ARFGEF3: variants seen among roughly 807,000 people sequenced by gnomAD.
ARFGEF3 encodes the protein ARFGEF family member 3.
A neutral mutation model predicts 221.7 loss-of-function variants in ARFGEF3; 96 were observed. The ratio of observed to expected loss-of-function variants is 0.43; its 90% CI spans 0.37 to 0.51. The LOEUF (loss-of-function observed/expected upper bound fraction) is 0.51, where lower values mean the gene tolerates loss of function less well. Among genes scored for constraint, ARFGEF3 ranks in the 20% least tolerant of loss-of-function variants. The pLI is 0.00. For missense variants in ARFGEF3, 2,410 were observed against 2,789.9 expected, an observed-to-expected ratio of 0.86 and a Z score of 3.07; for synonymous variants, 1,145 against 1,126.8, an observed-to-expected ratio of 1.02 and a Z score of -0.32.
intron 26 of ARFGEF3, 38 bp downstream of exon 26, chr6:138,313,977 G>A: frequency 6.2e-7 from 1 of 1,603,094 alleles, no homozygotes; most frequent in Non-Finnish European, 8.5e-7. Flanking sequence ...GTTATTTGCT[G>A]TGTTCATATT....
In ARFGEF3 at chr6:138,255,682, G is replaced by T. The variant is rs1778663359; in HGVS notation, c.1017G>T (p.Met339Ile). The T allele has an allele frequency of 6.2e-7, 1 of 1,613,388 alleles. No individual in the cohort carries two copies. The highest frequency in any genetic ancestry group is 1.3e-5 in the African/African-American group (1 of 75,010). The change falls in exon 10 of 34, where the codon ATG becomes ATT. Residue 339 changes from methionine (M) to isoleucine (I), a missense_variant. By Grantham distance (10) the Met-to-Ile change is conservative (BLOSUM62 1). This residue lies in a region of ARFGEF3 where 570 missense variants were observed against 586.9 expected (regional missense o/e 0.97). Coordinates refer to ENST00000251691, the MANE Select transcript of ARFGEF3 (RefSeq NM_020340.5). Reference sequence around the variant, plus strand: ...GGCTGGTGGGGTCTGTGGACTCCATGAAGCCCGTGCTCCAGTCCCTCTACC... The same window carrying T: ...GGCTGGTGGGGTCTGTGGACTCCATTAAGCCCGTGCTCCAGTCCCTCTACC... ...LVRLVGSVDS[M>I]KPVLQSLYHR...
At chr6:138,183,216 G>C (rs761686633) in intron 2 of ARFGEF3, among the ~76,000 whole-genome samples, 4 of 152,022 alleles carry the variant, frequency 2.6e-5, no homozygotes, top group Non-Finnish European at 4.4e-5. Context: ...CAGGTGGGAG[G>C]GCTGCTGGAT....
At chr6:138,325,903 G>A (rs148729710) in intron 31 of ARFGEF3, among the ~76,000 whole-genome samples, 72 of 152,238 alleles carry the variant, frequency 4.7e-4, no homozygotes, top group African/African-American at 1.6e-3. Flanking sequence ...CAATCACCCA[G>A]GCTGGAGTGC....
At chr6:138,236,793 A>G (rs572513973) in intron 5 of ARFGEF3, among the ~76,000 whole-genome samples, 2 of 152,342 alleles carry the variant, frequency 1.3e-5, no homozygotes, top group African/African-American at 4.8e-5. Context: ...TTTTCTAAGC[A>G]TGCATAAATT....
At chr6:138,234,121 A>C (rs933930607) in intron 5 of ARFGEF3, among the ~76,000 whole-genome samples, 1 of 152,170 alleles carries the variant, frequency 6.6e-6, no homozygotes, top group Non-Finnish European at 1.5e-5. Context: ...TCTTACTTGC[A>C]TGGCTTGTGA....
chr6:138,323,064 T>C (rs2114682817), intron 29 of ARFGEF3, among the ~76,000 whole-genome samples: 1 of 151,486 alleles, frequency 6.6e-6, no homozygotes, highest in Admixed American at 6.6e-5. Flanking sequence ...TGTAGAGGAG[T>C]GATGGAAAAT....
At chr6:138,214,963 A>G (rs1461600388) in intron 4 of ARFGEF3, among the ~76,000 whole-genome samples, 1 of 152,246 alleles carries the variant, frequency 6.6e-6, no homozygotes, top group African/African-American at 2.4e-5. Context: ...GCAAACAATA[A>G]ATGGTCAGAA....
Position 138,336,263 on chromosome 6 carries a change from A to G in ARFGEF3, c.6343-32A>G, listed in dbSNP as rs73776905. ...GTGTTCAAATAAAACCAGGGGGGAAAGCCACTGATTTTCTTAAATCTTTTC... is the reference window on the plus strand; with the variant it reads ...GTGTTCAAATAAAACCAGGGGGGAAGGCCACTGATTTTCTTAAATCTTTTC... On this transcript the variant is annotated intron_variant, in intron 33 of 33. Coordinates refer to ENST00000251691, the MANE Select transcript of ARFGEF3 (RefSeq NM_020340.5). 7,116 of 1,458,170 alleles carry G rather than the reference A, an allele frequency of 4.9e-3. 271 individuals are homozygous for G. In the African/African-American group the frequency reaches 0.083, roughly 17 times the overall value. 90.3% of individuals were successfully genotyped at this position (1,458,170 alleles called of 1,614,324 possible). A position where few individuals can be genotyped will look rare whatever the true frequency, so the allele number is the denominator to read the frequency against.
chr6:138,210,431 A>G (rs1777703488), intron 4 of ARFGEF3, among the ~76,000 whole-genome samples: 1 of 152,162 alleles, frequency 6.6e-6, no homozygotes, highest in Admixed American at 6.6e-5. Flanking sequence ...CAGAATGGTC[A>G]GTTTAGGGAC....
Position 138,334,139 on chromosome 6 carries a change from C to T in ARFGEF3, c.5293C>T (p.Gln1765Ter). The T allele has an allele frequency of 6.2e-7, 1 of 1,613,942 alleles. No individual in the cohort carries two copies. Among genetic ancestry groups the T allele is most frequent in the Non-Finnish European group, 8.5e-7 (1 of 1,179,876 alleles). The change falls in exon 33 of 34, where the codon CAG (glutamine) becomes TAG (stop). Residue 1765 changes from glutamine to a stop codon, truncating the protein, a stop_gained. Transcript: ENST00000251691. LOFTEE classifies it high-confidence loss of function. The surrounding 1 kb of genome is among the most constrained non-coding windows in gnomAD (Gnocchi z 5.1). ...LAGFLRYISM[Q>*]NLAVIFDLLL... Reference sequence around the variant, plus strand: ...TGGCTTCCTCAGATACATCTCTATGCAGAACTTGGCAGTCATATTCGACCT... The same window carrying T: ...TGGCTTCCTCAGATACATCTCTATGTAGAACTTGGCAGTCATATTCGACCT...
Position 138,192,669 on chromosome 6 carries a change from C to A in ARFGEF3, c.138-14373C>A, listed in dbSNP as rs78500832. 2.4e-3 allele frequency among the ~76,000 whole-genome samples: 372 copies of A among 152,286 alleles called. 1 individual carries two copies. Among genetic ancestry groups the A allele is most frequent in the African/African-American group, 8.7e-3 (362 of 41,544 alleles). Reference sequence around the variant, plus strand: ...GCTGAGGTGTCCATGTTGCTGAGACCCCTTGCAGGACAAGACAGAGCTGGG... The same window carrying A: ...GCTGAGGTGTCCATGTTGCTGAGACACCTTGCAGGACAAGACAGAGCTGGG... On this transcript the variant is annotated intron_variant, in intron 2 of 33. Transcript: ENST00000251691.
chr6:138,279,536 G>T (rs1234483736), intron 13 of ARFGEF3, among the ~76,000 whole-genome samples: 1 of 152,214 alleles, frequency 6.6e-6, no homozygotes, highest in East Asian at 1.9e-4. Context: ...GGATCTACAT[G>T]AAGGAAATCA....
At position 138,201,864 on chromosome 6, in the gene ARFGEF3, G is replaced by A. The variant is rs144873095; in HGVS notation, c.138-5178G>A. 9.9e-5 allele frequency among the ~76,000 whole-genome samples: 15 copies of A among 152,248 alleles called. No homozygotes were observed. In the East Asian group the frequency reaches 1.2e-3, roughly 12 times the overall value. ...GTTCACATTGGTGCTTGTATTGAAA[G>A]ATAATTATTGGTAAATCCTAACTCT... On this transcript the variant is annotated intron_variant, in intron 2 of 33. Coordinates refer to ENST00000251691, the MANE Select transcript of ARFGEF3 (RefSeq NM_020340.5).
chr6:138,222,487 G>A (rs1372606271), intron 4 of ARFGEF3, among the ~76,000 whole-genome samples: 1 of 152,088 alleles, frequency 6.6e-6, no homozygotes, highest in Non-Finnish European at 1.5e-5. Flanking sequence ...AGCAATTCCT[G>A]GAGGCATCTT....
chr6:138,248,160 A>AG (rs1413132241), intron 8 of ARFGEF3, among the ~76,000 whole-genome samples: 1 of 152,178 alleles, frequency 6.6e-6, no homozygotes, highest in Non-Finnish European at 1.5e-5. Flanking sequence ...GTCATAGGGG[A>AG]GAGGGACATT....
chr6:138,233,362 A>G (rs952481118), intron 5 of ARFGEF3, among the ~76,000 whole-genome samples: 1 of 150,884 alleles, frequency 6.6e-6, no homozygotes, highest in African/African-American at 2.4e-5. Context: ...TAGCTCTTGA[A>G]ATGTTCAGTG....
rs750737108 is a variant in ARFGEF3, at chr6:138,334,681, C to G, written c.5835C>G (p.Ser1945=). The G allele has an allele frequency of 1.2e-6, 2 of 1,612,016 alleles. No individual in the cohort carries two copies. Among genetic ancestry groups the G allele is most frequent in the African/African-American group, 1.3e-5 (1 of 74,862 alleles). The change falls in exon 33 of 34, where the codon TCC becomes TCG. Residue 1945 remains serine (S), a synonymous_variant. Coordinates refer to ENST00000251691, the MANE Select transcript of ARFGEF3 (RefSeq NM_020340.5). This position sits in a 1 kb window ranked among gnomAD's most constrained non-coding sequence, Gnocchi z 5.1. ...TCTTCATCCTGCCCTCCTTCCAGTC[C>G]GAGTCATCCACCCCATCCACCGGGG... ...DPFFILPSFQ[S]ESSTPSTGGF...
Position 138,255,625 on chromosome 6 carries a change from G to T in ARFGEF3, c.960G>T (p.Arg320=), listed in dbSNP as rs758345447. The T allele has an allele frequency of 1.9e-6, 3 of 1,613,950 alleles. No individual in the cohort carries two copies. Among genetic ancestry groups the T allele is most frequent in the Admixed American group, 1.7e-5 (1 of 60,022 alleles). The change falls in exon 10 of 34, where the codon CGG becomes CGT. Residue 320 remains arginine, a synonymous_variant. Coordinates refer to ENST00000251691, the MANE Select transcript of ARFGEF3 (RefSeq NM_020340.5). Reference sequence around the variant, plus strand: ...CGGCCCTGAGCGGACCTGTGGCTCGGACTATCTATTACATCGCAGCCGAGC... The same window carrying T: ...CGGCCCTGAGCGGACCTGTGGCTCGTACTATCTATTACATCGCAGCCGAGC... ...TAPALSGPVA[R]TIYYIAAELV...
chr6:138,313,221 C>T lies in ARFGEF3; in HGVS notation c.4201-574C>T, dbSNP rs147696340. Among the ~76,000 whole-genome samples the T allele has an allele frequency of 7.9e-5, 12 of 152,310 alleles. 1 individual carries two copies. The highest frequency in any genetic ancestry group is 2.9e-4 in the African/African-American group (12 of 41,570). ...GATCTTTGGAAGTCTGTCCCAGTAACAGAGAGCTCACGGGTGCCTGGGCGC... is the reference window on the plus strand; with the variant it reads ...GATCTTTGGAAGTCTGTCCCAGTAATAGAGAGCTCACGGGTGCCTGGGCGC... On this transcript the variant is annotated intron_variant, in intron 25 of 33. Coordinates refer to ENST00000251691, the MANE Select transcript of ARFGEF3 (RefSeq NM_020340.5).
Sources: gnomAD v4.1 joint callset for allele counts (sites outside exome capture counted in the v4.1 genomes callset) on GRCh38, gnomAD v4.1.1 for gene constraint, gnomAD v4.1.1 regional missense constraint, Gnocchi (gnomAD v3.1) non-coding constraint, MANE v1.5 for transcripts, NCBI Gene and HGNC (gene_info 2026-07-23, HGNC 2026-07-21) for gene names.